Variants in PPARGC1A observed in about 807,000 individuals in gnomAD.
The protein encoded by PPARGC1A is peroxisome proliferator-activated receptor gamma coactivator 1-alpha.
In PPARGC1A, 25 loss-of-function variants were observed where a neutral mutation model predicts 88.7. The ratio of observed to expected loss-of-function variants is 0.28; its 90% CI spans 0.21 to 0.39. PPARGC1A has a LOEUF of 0.39. PPARGC1A is among the 10% of genes least tolerant of loss of function. The pLI is 1.00. For synonymous variants in PPARGC1A, 363 were observed against 355.6 expected (o/e 1.02, Z -0.24); for missense variants, 880 against 968.7 (o/e 0.91, Z 1.22).
chr4:24,149,055 A>T, the PPARGC1A span, among the ~76,000 whole-genome samples: 2 of 152,166 alleles, frequency 1.3e-5, no homozygotes, highest in African/African-American at 4.8e-5. Context: ...GCCCTTTAAA[A>T]TTATTACTAT....
the PPARGC1A span, among the ~76,000 whole-genome samples, chr4:24,458,783 T>C: frequency 1.3e-5 from 2 of 152,204 alleles, no homozygotes; most frequent in Admixed American, 1.3e-4. Flanking sequence ...TACAATGGGA[T>C]ACTACAGGGC....
rs966155724 is a variant in PPARGC1A at position 23,793,142 on chromosome 4, G to A, written c.*2680C>T. ...CACATAATAGGATTTACTAAATCTCGATTTCTTAAAAATAATTTATTGCTC... is the reference window on the plus strand; with the variant it reads ...CACATAATAGGATTTACTAAATCTCAATTTCTTAAAAATAATTTATTGCTC... On this transcript the variant is annotated 3_prime_UTR_variant, in exon 13 of 13. Transcript: ENST00000264867. 2.6e-5 allele frequency: 4 copies of A among 152,418 alleles called. No individual in the cohort carries two copies. Among genetic ancestry groups the A allele is most frequent in the Admixed American group, 6.6e-5 (1 of 15,244 alleles). The allele number at this position is 152,418 out of a possible 1,614,324, so 9.4% of individuals were successfully genotyped here.
intron 2 of PPARGC1A, among the ~76,000 whole-genome samples, chr4:23,870,081 C>T (rs140868938): frequency 2.0e-3 from 305 of 152,274 alleles, no homozygotes; most frequent in African/African-American, 7.1e-3. Context: ...ACACAGGAAA[C>T]ACTTACAGGA....
At chr4:23,953,834 C>T in the PPARGC1A span, among the ~76,000 whole-genome samples, 1 of 152,004 alleles carries the variant, frequency 6.6e-6, no homozygotes, top group African/African-American at 2.4e-5. Context: ...AAATACAAGG[C>T]TACATTGTCA....
chr4:23,831,265 C>T (rs1724951412), intron 3 of PPARGC1A, among the ~76,000 whole-genome samples: 1 of 152,004 alleles, frequency 6.6e-6, no homozygotes, highest in East Asian at 1.9e-4. Context: ...CTTTTAGTTG[C>T]CAACATTTTC....
At chr4:24,316,759 C>T in the PPARGC1A span, among the ~76,000 whole-genome samples, 3 of 152,154 alleles carry the variant, frequency 2.0e-5, no homozygotes, top group Admixed American at 6.5e-5. Context: ...TAAATGACAT[C>T]GCATATGTAA....
At chr4:24,112,958 C>A in the PPARGC1A span, among the ~76,000 whole-genome samples, 2 of 152,112 alleles carry the variant, frequency 1.3e-5, no homozygotes, top group Admixed American at 6.5e-5. Flanking sequence ...ACGGAAATTT[C>A]TTTCAATGAG....
chr4:24,135,696 A>G, the PPARGC1A span, among the ~76,000 whole-genome samples: 1 of 152,204 alleles, frequency 6.6e-6, no homozygotes. Context: ...TGTTAGTAAT[A>G]GAACTGAAAA....
At chr4:23,968,496 A>C in the PPARGC1A span, among the ~76,000 whole-genome samples, 1 of 151,830 alleles carries the variant, frequency 6.6e-6, no homozygotes, top group African/African-American at 2.4e-5. Context: ...TAACTTTAGC[A>C]CTCTTTAGTT....
the PPARGC1A span, among the ~76,000 whole-genome samples, chr4:23,938,710 A>AG: frequency 1.5e-4 from 23 of 152,250 alleles, no homozygotes; most frequent in Non-Finnish European, 2.6e-4. Context: ...GATCACATAG[A>AG]GAAAACATGG....
the PPARGC1A span, among the ~76,000 whole-genome samples, chr4:24,249,406 G>A: frequency 1.9e-3 from 287 of 152,214 alleles, 2 homozygotes; most frequent in African/African-American, 6.7e-3. Flanking sequence ...GTGAGGCCGC[G>A]TTCAGGACAC....
At chr4:24,179,074 T>A in the PPARGC1A span, among the ~76,000 whole-genome samples, 1 of 152,204 alleles carries the variant, frequency 6.6e-6, no homozygotes, top group Non-Finnish European at 1.5e-5. Flanking sequence ...TCTTATTGAC[T>A]CTTCACATCT....
the PPARGC1A span, among the ~76,000 whole-genome samples, chr4:24,182,037 G>A: frequency 6.6e-6 from 1 of 152,010 alleles, no homozygotes; most frequent in South Asian, 2.1e-4. Context: ...GAACGTGCAG[G>A]TTTTTGCATA....
chr4:23,860,211 G>A (rs923009748), intron 2 of PPARGC1A, among the ~76,000 whole-genome samples: 2 of 150,648 alleles, frequency 1.3e-5, no homozygotes, highest in Non-Finnish European at 2.9e-5. Context: ...GTTTGAGGCT[G>A]CAGTAAGCAA....
the PPARGC1A span, among the ~76,000 whole-genome samples, chr4:24,315,914 T>TA: frequency 1.3e-5 from 2 of 152,226 alleles, no homozygotes; most frequent in East Asian, 3.8e-4. Context: ...CTAAAGGTTC[T>TA]ATTCTAGATC....
At chr4:23,935,559 A>C in the PPARGC1A span, among the ~76,000 whole-genome samples, 1 of 152,176 alleles carries the variant, frequency 6.6e-6, no homozygotes, top group East Asian at 1.9e-4. Context: ...TACCATGTAA[A>C]TAGTGCTCCC....
the PPARGC1A span, among the ~76,000 whole-genome samples, chr4:24,104,849 G>A: frequency 2.3e-4 from 35 of 152,096 alleles, no homozygotes; most frequent in East Asian, 2.5e-3. Flanking sequence ...GAAATCACAC[G>A]GTACTTAAAA....
the PPARGC1A span, among the ~76,000 whole-genome samples, chr4:24,276,581 T>G: frequency 6.6e-6 from 1 of 152,196 alleles, no homozygotes; most frequent in Non-Finnish European, 1.5e-5. Flanking sequence ...TTGAGAGGCA[T>G]CTGAGAAGAG....
the PPARGC1A span, among the ~76,000 whole-genome samples, chr4:23,911,184 A>G: frequency 6.6e-6 from 1 of 152,122 alleles, no homozygotes; most frequent in Non-Finnish European, 1.5e-5. Context: ...GTGGAGAAGG[A>G]GAAGCAGGTG....
Sources: gnomAD v4.1 joint callset for allele counts (sites outside exome capture counted in the v4.1 genomes callset) on GRCh38, gnomAD v4.1.1 for gene constraint, MANE v1.5 for transcripts, NCBI Gene and HGNC (gene_info 2026-07-23, HGNC 2026-07-21) for gene names.